Variants in CCDC149 observed in about 807,000 individuals in gnomAD.
CCDC149 encodes coiled-coil domain containing 149.
Under a neutral mutation model 59.9 loss-of-function variants are expected in CCDC149, and 45 were observed. The observed-to-expected ratio is 0.75, with a 90% CI of 0.59 to 0.96. The LOEUF is 0.96. Among genes scored for constraint, CCDC149 ranks in the 40% least tolerant of loss-of-function variants. The pLI, the probability that CCDC149 is intolerant of heterozygous loss-of-function variation, is 0.00. For missense variants in CCDC149, 584 were observed against 664.7 expected, an observed-to-expected ratio of 0.88 and a Z score of 1.33; for synonymous variants, 245 against 260.6, an observed-to-expected ratio of 0.94 and a Z score of 0.58.
intron 1 of CCDC149, among the ~76,000 whole-genome samples, chr4:24,953,191 G>C (rs1375755533): frequency 6.6e-6 from 1 of 152,172 alleles, no homozygotes; most frequent in Non-Finnish European, 1.5e-5. Flanking sequence ...CTAGCATCTG[G>C]CTGGGGGCTC....
intron 4 of CCDC149, among the ~76,000 whole-genome samples, chr4:24,846,837 A>C (rs1381597608): frequency 6.6e-6 from 1 of 152,216 alleles, no homozygotes; most frequent in East Asian, 1.9e-4. Flanking sequence ...TGCCTACCGC[A>C]AACTTCCTTG....
chr4:24,944,786 T>G (rs1723059549), intron 1 of CCDC149, among the ~76,000 whole-genome samples: 1 of 152,160 alleles, frequency 6.6e-6, no homozygotes, highest in East Asian at 1.9e-4. Flanking sequence ...TTGAGAGCTT[T>G]TATGCAATGA....
chr4:24,936,476 C>T (rs566902347), intron 1 of CCDC149, among the ~76,000 whole-genome samples: 21 of 152,058 alleles, frequency 1.4e-4, no homozygotes, highest in African/African-American at 5.1e-4. Flanking sequence ...TGTAATGTTT[C>T]AATGCATGTA....
intron 1 of CCDC149, among the ~76,000 whole-genome samples, chr4:24,959,839 G>A (rs58905126): frequency 0.18 from 26,661 of 152,112 alleles, 3,160 homozygotes; most frequent in African/African-American, 0.32. Context: ...GCAAAATAAA[G>A]ATGTTTTCAG....
intron 1 of CCDC149, among the ~76,000 whole-genome samples, chr4:24,966,960 G>A (rs1723820342): frequency 6.6e-6 from 1 of 152,188 alleles, no homozygotes; most frequent in South Asian, 2.1e-4. Context: ...GGTGCAGATT[G>A]CAGCCTCATT....
In CCDC149 at chr4:24,808,470, C is replaced by A; in HGVS notation, c.1542G>T (p.Arg514=). Residue 514 remains arginine (R), a synonymous_variant, in exon 13 of 13, where the codon CGG becomes CGT. Transcript: ENST00000635206. ...CCGGTGTGGAAGCTTTGGCTGCTGG[C>A]CGGCTGGCCTCGAAGGAGTCCAGGT... The A allele has an allele frequency of 1.4e-6, 2 of 1,469,890 alleles. No individual in the cohort carries two copies. The highest frequency in any genetic ancestry group is 1.8e-6 in the Non-Finnish European group (2 of 1,110,060). The allele number at this position is 1,469,890 out of a possible 1,614,324, so 91.1% of individuals were successfully genotyped here. A position where few individuals can be genotyped will look rare whatever the true frequency, so the allele number is the denominator to read the frequency against.
chr4:24,898,279 C>T (rs966887359), intron 1 of CCDC149, among the ~76,000 whole-genome samples: 5 of 152,060 alleles, frequency 3.3e-5, no homozygotes, highest in African/African-American at 7.3e-5. Flanking sequence ...TCATCTTAAC[C>T]GAGAGACACA....
chr4:24,975,131 C>G (rs1724121916), intron 1 of CCDC149, among the ~76,000 whole-genome samples: 2 of 152,092 alleles, frequency 1.3e-5, no homozygotes, highest in South Asian at 4.1e-4. Flanking sequence ...CATGAGATGC[C>G]AGCACCTTGA....
At chr4:24,972,508 G>T (rs141489001) in intron 1 of CCDC149, among the ~76,000 whole-genome samples, 1 of 151,714 alleles carries the variant, frequency 6.6e-6, no homozygotes, top group Non-Finnish European at 1.5e-5. Context: ...GGGTTTTTCC[G>T]TGTTGCCCAG....
intron 1 of CCDC149, among the ~76,000 whole-genome samples, chr4:24,893,897 C>T (rs116623016): frequency 0.021 from 3,131 of 152,162 alleles, 113 homozygotes; most frequent in African/African-American, 0.07. Context: ...TGAGCCACCA[C>T]GCCCAGGCTA....
intron 1 of CCDC149, among the ~76,000 whole-genome samples, chr4:24,883,993 T>C (rs1720007674): frequency 6.6e-6 from 1 of 152,186 alleles, no homozygotes; most frequent in South Asian, 2.1e-4. Flanking sequence ...TTACCTGTGT[T>C]GAGCAAAACC....
At chr4:24,891,361 G>C (rs1720521311) in intron 1 of CCDC149, among the ~76,000 whole-genome samples, 1 of 152,186 alleles carries the variant, frequency 6.6e-6, no homozygotes, top group Non-Finnish European at 1.5e-5. Flanking sequence ...ACTGTGATGG[G>C]CTGATTATGC....
At chr4:24,926,258 G>A (rs964297636) in intron 1 of CCDC149, among the ~76,000 whole-genome samples, 4 of 152,172 alleles carry the variant, frequency 2.6e-5, no homozygotes, top group African/African-American at 4.8e-5. Context: ...TTTTGTTATA[G>A]GGAACAGAAA....
At chr4:24,973,869 T>C (rs1340344152) in intron 1 of CCDC149, among the ~76,000 whole-genome samples, 1 of 152,244 alleles carries the variant, frequency 6.6e-6, no homozygotes, top group African/African-American at 2.4e-5. Context: ...TTTGGGGTTA[T>C]GGAAGTGAAC....
rs191319422 is a variant in CCDC149, at chr4:24,972,602, C to T, written c.-65+7467G>A. ...AATTACAGACACGAGCCACCACGCC[C>T]AGCCTTTTTTCCTCTCTTGCCCAAA... On this transcript the variant is annotated intron_variant, in intron 1 of 12. Transcript: ENST00000389609. 4.3e-3 allele frequency among the ~76,000 whole-genome samples: 661 copies of T among 152,252 alleles called. 1 individual carries two copies. Among genetic ancestry groups the T allele is most frequent in the Non-Finnish European group, 7.0e-3 (474 of 68,022 alleles).
chr4:24,888,198 G>T (rs768519599), intron 1 of CCDC149, among the ~76,000 whole-genome samples: 1 of 152,160 alleles, frequency 6.6e-6, no homozygotes, highest in Non-Finnish European at 1.5e-5. Context: ...GCCAGGCACA[G>T]CTCCTGGCCC....
chr4:24,869,116 T>G (rs1382759376), intron 3 of CCDC149, among the ~76,000 whole-genome samples: 2 of 152,224 alleles, frequency 1.3e-5, no homozygotes, highest in African/African-American at 4.8e-5. Flanking sequence ...GTAAGGCAGA[T>G]GGCTATGACA....
At chr4:24,923,636 T>G (rs1305505884) in intron 1 of CCDC149, among the ~76,000 whole-genome samples, 3 of 152,048 alleles carry the variant, frequency 2.0e-5, no homozygotes, top group African/African-American at 7.3e-5. Context: ...CAAAAGAACT[T>G]GAATGAAGAT....
At chr4:24,813,489 A>AATATATCTATATATATAT (rs1186488610) in intron 12 of CCDC149, among the ~76,000 whole-genome samples, 22 of 113,720 alleles carry the variant, frequency 1.9e-4, no homozygotes, top group African/African-American at 8.4e-4. Context: ...CAGCTTGGGG[A>AATATATCTATATATATAT]ATATATATAT....
Sources: gnomAD v4.1 joint callset for allele counts (sites outside exome capture counted in the v4.1 genomes callset) on GRCh38, gnomAD v4.1.1 for gene constraint, MANE v1.5 for transcripts, NCBI Gene and HGNC (gene_info 2026-07-23, HGNC 2026-07-21) for gene names.